Variants in MARCHF3 observed in about 807,000 individuals in gnomAD.
MARCHF3 encodes the protein E3 ubiquitin-protein ligase MARCHF3.
Under a neutral mutation model 24.2 loss-of-function variants are expected in MARCHF3, and 13 were observed. The ratio of observed to expected loss-of-function variants is 0.54; its 90% CI spans 0.35 to 0.85. The LOEUF is 0.85. MARCHF3 is among the 40% of genes least tolerant of loss of function. The pLI is 0.01. For synonymous variants in MARCHF3, 144 were observed against 137.3 expected, an observed-to-expected ratio of 1.05 and a Z score of -0.34; for missense variants, 276 against 325.0, an observed-to-expected ratio of 0.85 and a Z score of 1.16.
chr5:126,933,920 G>T (rs963710344), intron 1 of MARCHF3, among the ~76,000 whole-genome samples: 1 of 152,152 alleles, frequency 6.6e-6, no homozygotes, highest in Non-Finnish European at 1.5e-5. Flanking sequence ...AAAGATACTT[G>T]TGTATCTACA....
At chr5:126,974,042 C>T (rs368924895) in intron 1 of MARCHF3, among the ~76,000 whole-genome samples, 1,671 of 151,730 alleles carry the variant, frequency 0.011, 27 homozygotes, top group African/African-American at 0.038. Context: ...GGACTACAGG[C>T]GCCCGCCACC....
At chr5:126,991,339 A>G (rs1191287255) in intron 1 of MARCHF3, among the ~76,000 whole-genome samples, 2 of 152,130 alleles carry the variant, frequency 1.3e-5, no homozygotes, top group African/African-American at 2.4e-5. Context: ...TTAGGTGGGA[A>G]CTGAACAATG....
chr5:126,994,823 C>A (rs1415840970), intron 1 of MARCHF3, among the ~76,000 whole-genome samples: 1 of 152,232 alleles, frequency 6.6e-6, no homozygotes, highest in Non-Finnish European at 1.5e-5. Flanking sequence ...CCCAAAACCT[C>A]AAAAGTAGGG....
intron 1 of MARCHF3, among the ~76,000 whole-genome samples, chr5:126,980,634 G>A (rs935382142): frequency 6.6e-6 from 1 of 152,126 alleles, no homozygotes; most frequent in Non-Finnish European, 1.5e-5. Context: ...CTCCCAAAGT[G>A]CTGGGATTAC....
At chr5:126,914,793 C>CAT (rs1276200232) in intron 3 of MARCHF3, 137 bp downstream of exon 3, 2 of 724,980 alleles carry the variant, frequency 2.8e-6, no homozygotes, top group African/African-American at 3.4e-5. Context: ...CACACACACA[C>CAT]ACACACACAC....
At chr5:126,873,647 G>A (rs547086538) in intron 4 of MARCHF3, among the ~76,000 whole-genome samples, 2 of 152,342 alleles carry the variant, frequency 1.3e-5, no homozygotes, top group African/African-American at 4.8e-5. Flanking sequence ...GGGAGTCAGC[G>A]ACTTAGCAGG....
chr5:126,965,391 G>C (rs1314238027), intron 1 of MARCHF3, among the ~76,000 whole-genome samples: 1 of 152,176 alleles, frequency 6.6e-6, no homozygotes, highest in East Asian at 1.9e-4. Context: ...TCCACAGAAA[G>C]TTGACATTCA....
At chr5:126,914,274 C>T (rs777608226) in intron 3 of MARCHF3, among the ~76,000 whole-genome samples, 12 of 152,076 alleles carry the variant, frequency 7.9e-5, no homozygotes, top group East Asian at 3.9e-4. Context: ...TGAGCCACCG[C>T]GCCCAGCCAA....
At chr5:126,914,848 A>T (rs1406529670) in intron 3 of MARCHF3, 82 bp downstream of exon 3, 1 of 1,395,698 alleles carries the variant, frequency 7.2e-7, no homozygotes, top group Non-Finnish European at 1.0e-6. Flanking sequence ...GTAAAGCTGT[A>T]CAGGGCTTGT....
chr5:126,958,610 C>T (rs1273813339), intron 1 of MARCHF3, among the ~76,000 whole-genome samples: 1 of 152,054 alleles, frequency 6.6e-6, no homozygotes, highest in Non-Finnish European at 1.5e-5. Context: ...AAAAGGGTGT[C>T]AGGACTGGGA....
At chr5:126,875,775 A>G (rs1027330689) in intron 4 of MARCHF3, among the ~76,000 whole-genome samples, 2 of 152,158 alleles carry the variant, frequency 1.3e-5, no homozygotes, top group African/African-American at 4.8e-5. Context: ...CGCAGGAAGG[A>G]GCCTGGGGCC....
At chr5:127,006,948 G>C (rs1312800243) in intron 1 of MARCHF3, among the ~76,000 whole-genome samples, 1 of 151,826 alleles carries the variant, frequency 6.6e-6, no homozygotes, top group Non-Finnish European at 1.5e-5. Flanking sequence ...CCTGGAATCC[G>C]TCTCAAGGAA....
At chr5:127,022,656 C>T (rs1580500053) in intron 1 of MARCHF3, among the ~76,000 whole-genome samples, 1 of 152,158 alleles carries the variant, frequency 6.6e-6, no homozygotes, top group East Asian at 1.9e-4. Context: ...CTCCCAACCC[C>T]CGGATCCAAA....
At chr5:127,027,201 T>A (rs1033374823) in intron 1 of MARCHF3, among the ~76,000 whole-genome samples, 3 of 152,162 alleles carry the variant, frequency 2.0e-5, no homozygotes, top group Admixed American at 6.5e-5. Flanking sequence ...TCTGTGACAA[T>A]GAGAAAATCT....
intron 1 of MARCHF3, among the ~76,000 whole-genome samples, chr5:127,023,715 A>G (rs1580501523): frequency 6.6e-6 from 1 of 151,124 alleles, no homozygotes; most frequent in East Asian, 1.9e-4. Context: ...TGGGTGACAT[A>G]GCGAGATTCT....
At chr5:126,885,528 TTGCA>T (rs138740704) in intron 3 of MARCHF3, among the ~76,000 whole-genome samples, 15,578 of 152,020 alleles carry the variant, frequency 0.1, 1,246 homozygotes, top group East Asian at 0.29. Context: ...GATTGTGCCA[TTGCA>T]TTCCAGCCTG....
intron 1 of MARCHF3, among the ~76,000 whole-genome samples, chr5:127,010,781 G>A (rs1291985076): frequency 6.6e-6 from 1 of 152,104 alleles, no homozygotes; most frequent in Non-Finnish European, 1.5e-5. Flanking sequence ...TAAACCTTCA[G>A]GACATTATAC....
At chr5:127,012,753 T>C (rs1277051387) in intron 1 of MARCHF3, among the ~76,000 whole-genome samples, 2 of 152,236 alleles carry the variant, frequency 1.3e-5, no homozygotes, top group Non-Finnish European at 1.5e-5. Context: ...GTAAAGTTGA[T>C]TTACTAGGCA....
intron 1 of MARCHF3, among the ~76,000 whole-genome samples, chr5:126,947,344 T>A (rs1750062092): frequency 1.3e-5 from 2 of 152,180 alleles, no homozygotes; most frequent in African/African-American, 4.8e-5. Flanking sequence ...TGGCTAAAAA[T>A]AACCTCTTAA....
Sources: gnomAD v4.1 joint callset for allele counts (sites outside exome capture counted in the v4.1 genomes callset) on GRCh38, gnomAD v4.1.1 for gene constraint, MANE v1.5 for transcripts, NCBI Gene and HGNC (gene_info 2026-07-23, HGNC 2026-07-21) for gene names.